PRDM5: variants seen among roughly 807,000 people sequenced by gnomAD.
The protein encoded by PRDM5 is PR/SET domain 5, also known as PR domain zinc finger protein 5.
A neutral mutation model predicts 81.2 loss-of-function variants in PRDM5; 56 were observed. That is an observed-to-expected ratio of 0.69 (90% CI 0.56 to 0.86). The LOEUF (loss-of-function observed/expected upper bound fraction) is 0.86. Ranked by LOEUF, PRDM5 falls within the 40% of genes least tolerant of loss-of-function variation. PRDM5 has a pLI of 0.00. For synonymous variants in PRDM5, 267 were observed against 256.4 expected, an observed-to-expected ratio of 1.04 and a Z score of -0.39; for missense variants, 697 against 770.1, an observed-to-expected ratio of 0.91 and a Z score of 1.12.
rs189259301 is a variant in PRDM5 at position 120,725,702 on chromosome 4, C to G, written c.1624-15289G>C. Among the ~76,000 whole-genome samples the G allele has an allele frequency of 2.0e-4, 31 of 152,196 alleles. No individual in the cohort carries two copies. The East Asian group carries it at 5.8e-3, about 28-fold the overall frequency. On this transcript the variant is annotated intron_variant, in intron 14 of 15. Coordinates refer to ENST00000264808, the MANE Select transcript of PRDM5 (RefSeq NM_018699.4). ...CAAACCAGAAAGCTCATGTTAAGAA[C>G]AAGAAAATGCCAACTCCGTTTCTAT...
chr4:120,775,757 C>A (rs934345730), intron 13 of PRDM5, among the ~76,000 whole-genome samples: 2 of 152,154 alleles, frequency 1.3e-5, no homozygotes, highest in Non-Finnish European at 2.9e-5. Context: ...ACAAAGATAT[C>A]TTCTAAGAAT....
At chr4:120,752,064 G>A (rs939685658) in intron 14 of PRDM5, among the ~76,000 whole-genome samples, 3 of 152,092 alleles carry the variant, frequency 2.0e-5, no homozygotes, top group Admixed American at 6.6e-5. Context: ...TATCTTTTTT[G>A]AATGGAGTCT....
At chr4:120,824,133 C>G (rs1755650852) in intron 3 of PRDM5, among the ~76,000 whole-genome samples, 1 of 152,162 alleles carries the variant, frequency 6.6e-6, no homozygotes, top group African/African-American at 2.4e-5. Flanking sequence ...TAATACATTA[C>G]CCAGTGTCAG....
chr4:120,794,473 G>A (rs1307921041), intron 10 of PRDM5, among the ~76,000 whole-genome samples: 1 of 150,172 alleles, frequency 6.7e-6, no homozygotes, highest in Non-Finnish European at 1.5e-5. Context: ...CTTTTAAATT[G>A]TTTGGCTATG....
intron 2 of PRDM5, among the ~76,000 whole-genome samples, chr4:120,861,780 G>A (rs887795692): frequency 8.7e-5 from 13 of 150,112 alleles, no homozygotes; most frequent in East Asian, 3.9e-4. Flanking sequence ...CCTAGGTGAA[G>A]AGCAAGACTC....
chr4:120,798,389 A>T lies in PRDM5; in HGVS notation c.1066T>A (p.Ser356Thr), dbSNP rs140634372. Residue 356 changes from serine (S) to threonine (T), a missense_variant, in exon 10 of 16, where the codon TCT (serine) becomes ACT (threonine). Physicochemically the swap from Ser to Thr is moderately conservative, Grantham distance 58. Transcript: ENST00000264808. ...CCCACTTGATCAAGCCTCTTGAAAG[A>T]CTTATTACAAATCTCGCAATTATAG... is the stretch of plus-strand genomic sequence containing the variant. ...RPYNCEICNK[S>T]FKRLDQVGAH... The T allele has an allele frequency of 0.022, 36,222 of 1,612,340 alleles. 524 individuals are homozygous for T. Among genetic ancestry groups the T allele is most frequent in the Non-Finnish European group, 0.023 (27,158 of 1,178,594 alleles).
chr4:120,775,975 G>A (rs146679316), intron 13 of PRDM5, among the ~76,000 whole-genome samples: 3,287 of 152,108 alleles, frequency 0.022, 53 homozygotes, highest in Middle Eastern at 0.034. Context: ...TGGTGCCACC[G>A]GCCGTTGGCA....
At chr4:120,689,104 G>A (rs1733941412), downstream of PRDM5, among the ~76,000 whole-genome samples, 2 of 152,140 alleles carry the variant, frequency 1.3e-5, no homozygotes, top group Admixed American at 6.6e-5. Flanking sequence ...TTAGAAAACT[G>A]TGGAATAGTT....
intron 1 of PRDM5, among the ~76,000 whole-genome samples, chr4:120,912,788 TATAC>T (rs1396444631): frequency 6.6e-6 from 1 of 152,138 alleles, no homozygotes; most frequent in Non-Finnish European, 1.5e-5. Flanking sequence ...AAATAAAAAA[TATAC>T]ATATAGATGA....
chr4:120,881,027 C>T (rs1762791760), intron 2 of PRDM5, among the ~76,000 whole-genome samples: 1 of 152,148 alleles, frequency 6.6e-6, no homozygotes, highest in African/African-American at 2.4e-5. Context: ...GTTTACATAA[C>T]ACTGTACTAT....
At chr4:120,707,757 G>GA (rs1310246149) in intron 15 of PRDM5, among the ~76,000 whole-genome samples, 1 of 151,768 alleles carries the variant, frequency 6.6e-6, no homozygotes, top group Non-Finnish European at 1.5e-5. Context: ...CCTACAGAAT[G>GA]AAAAAAATAT....
rs144833198 is a variant in PRDM5, at chr4:120,842,905, G to A, written c.300+10513C>T. 1.8e-3 allele frequency among the ~76,000 whole-genome samples: 268 copies of A among 152,200 alleles called. 2 individuals are homozygous for A. Among genetic ancestry groups the A allele is most frequent in the African/African-American group, 6.1e-3 (254 of 41,526 alleles). On this transcript the variant is annotated intron_variant, in intron 3 of 15. Coordinates refer to ENST00000264808, the MANE Select transcript of PRDM5 (RefSeq NM_018699.4). The stretch of plus-strand genomic sequence containing the variant: ...AATGTTACAGAGGTAGGCTTTGTTA[G>A]GTCACTAAATATGGAAAGAATATAT...
intron 14 of PRDM5, among the ~76,000 whole-genome samples, chr4:120,716,544 C>A (rs843554): frequency 0.5 from 76,304 of 151,962 alleles, 20,118 homozygotes; most frequent in East Asian, 0.75. Flanking sequence ...AGTATATCAA[C>A]AGGCAGCTGT....
At chr4:120,883,695 A>G (rs1763091635) in intron 2 of PRDM5, among the ~76,000 whole-genome samples, 1 of 152,138 alleles carries the variant, frequency 6.6e-6, no homozygotes, top group Non-Finnish European at 1.5e-5. Flanking sequence ...ATAAGTCTGC[A>G]CATTGTGCAC....
intron 1 of PRDM5, among the ~76,000 whole-genome samples, chr4:120,922,250 G>C (rs1231790934): frequency 6.6e-6 from 1 of 152,190 alleles, no homozygotes; most frequent in Non-Finnish European, 1.5e-5. Flanking sequence ...AGGGAGGCCG[G>C]TGGCAGTTCC....
chr4:120,839,046 C>T (rs1198886280), intron 3 of PRDM5: 1 of 572,802 alleles, frequency 1.7e-6, no homozygotes, highest in Non-Finnish European at 3.1e-6. Context: ...ACAGCTGACA[C>T]CAGGGAACAC....
intron 2 of PRDM5, among the ~76,000 whole-genome samples, chr4:120,868,475 T>C (rs563510847): frequency 1.3e-5 from 2 of 152,266 alleles, no homozygotes; most frequent in East Asian, 1.9e-4. Context: ...TTTCAGAGCC[T>C]CTTGGATTTC....
At chr4:120,699,524 C>T (rs1735054403) in intron 15 of PRDM5, among the ~76,000 whole-genome samples, 2 of 152,140 alleles carry the variant, frequency 1.3e-5, no homozygotes, top group African/African-American at 2.4e-5. Context: ...AGCCAACCAG[C>T]ACCAACATGG....
At chr4:120,871,268 T>C (rs1386373590) in intron 2 of PRDM5, among the ~76,000 whole-genome samples, 1 of 152,226 alleles carries the variant, frequency 6.6e-6, no homozygotes, top group Non-Finnish European at 1.5e-5. Flanking sequence ...GACACCACTT[T>C]AAATCATATG....
Sources: gnomAD v4.1 joint callset for allele counts (sites outside exome capture counted in the v4.1 genomes callset) on GRCh38, gnomAD v4.1.1 for gene constraint, MANE v1.5 for transcripts, NCBI Gene and HGNC (gene_info 2026-07-23, HGNC 2026-07-21) for gene names.